The following CHSY3 variants were observed in gnomAD, a reference collection of about 807,000 sequenced individuals.
CHSY3 encodes the protein N-acetylgalactosaminyl-proteoglycan 3-beta-glucuronosyltransferase 3.
A neutral mutation model predicts 67.2 loss-of-function variants in CHSY3; 35 were observed. The ratio of observed to expected loss-of-function variants is 0.52; its 90% CI spans 0.40 to 0.69. The LOEUF (loss-of-function observed/expected upper bound fraction) is 0.69. Among genes scored for constraint, CHSY3 ranks in the 30% least tolerant of loss-of-function variants. The pLI, the probability that CHSY3 is intolerant of heterozygous loss-of-function variation, is 0.00. For synonymous variants in CHSY3, 474 were observed against 434.7 expected (o/e 1.09, Z -1.12); for missense variants, 1,069 against 1,138.5 (o/e 0.94, Z 0.88).
chr5:130,139,732 G>T (rs1194232499), intron 2 of CHSY3, among the ~76,000 whole-genome samples: 1 of 152,114 alleles, frequency 6.6e-6, no homozygotes, highest in Non-Finnish European at 1.5e-5. Flanking sequence ...TTATTGTGGA[G>T]AAATTGGAAA....
chr5:129,945,465 TTTTTAAAG>T (rs1305696724), intron 2 of CHSY3, among the ~76,000 whole-genome samples: 2 of 152,040 alleles, frequency 1.3e-5, no homozygotes, highest in Non-Finnish European at 2.9e-5. Context: ...ATTTATAAAA[TTTTTAAAG>T]TTTTAATATA....
At chr5:130,000,030 G>A (rs546764568) in intron 2 of CHSY3, among the ~76,000 whole-genome samples, 10 of 152,212 alleles carry the variant, frequency 6.6e-5, no homozygotes, top group African/African-American at 2.4e-4. Context: ...ATAAATTTCA[G>A]CATATCTCAG....
chr5:129,947,735 A>G (rs990128723), intron 2 of CHSY3, among the ~76,000 whole-genome samples: 1 of 151,810 alleles, frequency 6.6e-6, no homozygotes, highest in African/African-American at 2.4e-5. Flanking sequence ...CATTCTTTCT[A>G]TCAGTATAAA....
At chr5:130,156,303 T>G (rs1769373944) in intron 2 of CHSY3, among the ~76,000 whole-genome samples, 1 of 152,208 alleles carries the variant, frequency 6.6e-6, no homozygotes, top group South Asian at 2.1e-4. Context: ...AGGCTGTTTA[T>G]TTGGTTTCCC....
chr5:130,091,136 G>A (rs13166072), intron 2 of CHSY3, among the ~76,000 whole-genome samples: 6,905 of 74,368 alleles, frequency 0.093, 492 homozygotes, highest in African/African-American at 0.28. Flanking sequence ...ACACACACAC[G>A]CACACGCGCG....
chr5:129,958,009 T>A (rs1390301697), intron 2 of CHSY3, among the ~76,000 whole-genome samples: 1 of 152,146 alleles, frequency 6.6e-6, no homozygotes, highest in Non-Finnish European at 1.5e-5. Context: ...GAGGTTTATA[T>A]CCTGGCTGAT....
chr5:130,017,362 T>G (rs1270971584), intron 2 of CHSY3, among the ~76,000 whole-genome samples: 2 of 152,114 alleles, frequency 1.3e-5, no homozygotes, highest in East Asian at 3.9e-4. Context: ...GTCAAACTAG[T>G]CTCTTCATTG....
intron 2 of CHSY3, among the ~76,000 whole-genome samples, chr5:130,048,961 AAG>A (rs1765239332): frequency 6.6e-6 from 1 of 151,892 alleles, no homozygotes; most frequent in Non-Finnish European, 1.5e-5. Flanking sequence ...CAAAATTGCT[AAG>A]AGAGTAAATT....
Position 129,985,476 on chromosome 5 carries a change from C to G in CHSY3, c.1086+77116C>G, listed in dbSNP as rs1403402092. Reference sequence around the variant, plus strand: ...GTAGTGTGATGCTTCAGGCTTTGTTCTTTTCACTTAGGATTCCTTTAGCTA... The same window carrying G: ...GTAGTGTGATGCTTCAGGCTTTGTTGTTTTCACTTAGGATTCCTTTAGCTA... On this transcript the variant is annotated intron_variant, in intron 2 of 2. Transcript: ENST00000305031. Among the ~76,000 whole-genome samples the G allele has an allele frequency of 1.9e-4, 28 of 149,422 alleles. 1 individual carries two copies. Among genetic ancestry groups the G allele is most frequent in the Admixed American group, 1.5e-3 (22 of 15,034 alleles).
chr5:129,918,414 T>C (rs894258957), intron 2 of CHSY3, among the ~76,000 whole-genome samples: 1 of 152,216 alleles, frequency 6.6e-6, no homozygotes, highest in African/African-American at 2.4e-5. Flanking sequence ...TGTGATTAAA[T>C]AATAACTTTT....
At chr5:129,965,174 G>T (rs981997290) in intron 2 of CHSY3, among the ~76,000 whole-genome samples, 4 of 151,882 alleles carry the variant, frequency 2.6e-5, no homozygotes, top group Admixed American at 6.6e-5. Flanking sequence ...TGTGGAAAGA[G>T]CTCTGAAATG....
At chr5:130,016,905 G>A (rs1320440708) in intron 2 of CHSY3, among the ~76,000 whole-genome samples, 1 of 152,136 alleles carries the variant, frequency 6.6e-6, no homozygotes, top group Non-Finnish European at 1.5e-5. Flanking sequence ...GAGTGGGAAG[G>A]TACTGCTAGA....
chr5:130,111,601 A>G (rs972643716), intron 2 of CHSY3, among the ~76,000 whole-genome samples: 4 of 152,142 alleles, frequency 2.6e-5, no homozygotes, highest in East Asian at 1.9e-4. Flanking sequence ...ATAATTTCCA[A>G]TCCTAGCTGA....
In CHSY3 at chr5:129,943,060, A is replaced by G. The variant is rs371699204; in HGVS notation, c.1086+34700A>G. On this transcript the variant is annotated intron_variant, in intron 2 of 2. Coordinates refer to ENST00000305031, the MANE Select transcript of CHSY3 (RefSeq NM_175856.5). The stretch of plus-strand genomic sequence containing the variant: ...TATTGGCACATTGAACAGATTCTGC[A>G]TCGTTTTTATGATGCCATTATAACA... Among the ~76,000 whole-genome samples, 31 of 152,256 alleles carry G rather than the reference A, an allele frequency of 2.0e-4. No homozygotes were observed. In the East Asian group the frequency reaches 5.4e-3, roughly 27 times the overall value.
intron 2 of CHSY3, among the ~76,000 whole-genome samples, chr5:130,077,668 G>A (rs62391437): frequency 0.093 from 14,123 of 151,960 alleles, 758 homozygotes; most frequent in African/African-American, 0.14. Flanking sequence ...ATGGAAATTT[G>A]AACTTATCAG....
At chr5:130,071,628 G>T (rs930108475) in intron 2 of CHSY3, among the ~76,000 whole-genome samples, 1 of 150,800 alleles carries the variant, frequency 6.6e-6, no homozygotes, top group African/African-American at 2.4e-5. Context: ...TGGACAGTTA[G>T]ATTTCTTACA....
At chr5:130,008,092 G>A (rs73785851) in intron 2 of CHSY3, among the ~76,000 whole-genome samples, 82 of 152,302 alleles carry the variant, frequency 5.4e-4, no homozygotes, top group African/African-American at 2.0e-3. Flanking sequence ...GCCAGCATTT[G>A]CAGACCCTGC....
At chr5:130,168,406 C>T (rs1218203110) in intron 2 of CHSY3, among the ~76,000 whole-genome samples, 1 of 151,768 alleles carries the variant, frequency 6.6e-6, no homozygotes. Context: ...GCATCAATTA[C>T]GAAAATAGTA....
chr5:130,146,903 C>T (rs1769091071), intron 2 of CHSY3, among the ~76,000 whole-genome samples: 2 of 152,232 alleles, frequency 1.3e-5, no homozygotes, highest in Middle Eastern at 3.4e-3. Context: ...AAGTGATTCT[C>T]CTGCCTCAGC....
Sources: gnomAD v4.1 joint callset for allele counts (sites outside exome capture counted in the v4.1 genomes callset) on GRCh38, gnomAD v4.1.1 for gene constraint, MANE v1.5 for transcripts, NCBI Gene and HGNC (gene_info 2026-07-23, HGNC 2026-07-21) for gene names.